Variants in DPCD observed in about 807,000 individuals in gnomAD.
DPCD encodes the protein protein DPCD.
A neutral mutation model predicts 26.4 loss-of-function variants in DPCD; 20 were observed. The ratio of observed to expected loss-of-function variants is 0.76; its 90% CI spans 0.53 to 1.10. The LOEUF is 1.10. Among genes scored for constraint, DPCD ranks in the 50% least tolerant of loss-of-function variants. The pLI is 0.00. For missense variants in DPCD, 202 were observed against 253.9 expected (o/e 0.80, Z 1.39); for synonymous variants, 97 against 94.2 (o/e 1.03, Z -0.17).
At chr10:101,608,159 A>G (rs189664870) in intron 4 of DPCD, among the ~76,000 whole-genome samples, 2 of 152,264 alleles carry the variant, frequency 1.3e-5, no homozygotes, top group East Asian at 3.9e-4. Flanking sequence ...GCAGATGATA[A>G]GGACCATGTG....
At chr10:101,588,430 G>A (rs2134734068) in intron 1 of DPCD, 30 bp downstream of exon 1, 1 of 1,569,376 alleles carries the variant, frequency 6.4e-7, no homozygotes, top group East Asian at 2.3e-5. Context: ...GGGCTCCTTC[G>A]TTTTTTTCCC....
chr10:101,596,741 A>G (rs968427204), intron 2 of DPCD: 8 of 152,218 alleles, frequency 5.3e-5, no homozygotes, highest in Admixed American at 5.2e-4. Context: ...ATTTTTAAGT[A>G]TAAATAATCC....
chr10:101,601,132 G>A, intron 3 of DPCD, 71 bp from the exon 4 acceptor site: 2 of 1,598,482 alleles, frequency 1.3e-6, no homozygotes, highest in Admixed American at 1.7e-5. Flanking sequence ...GTGCCCCGGG[G>A]TAGCGCTCTG....
At chr10:101,595,824 A>T (rs932391672) in intron 2 of DPCD, among the ~76,000 whole-genome samples, 1 of 152,216 alleles carries the variant, frequency 6.6e-6, no homozygotes, top group Non-Finnish European at 1.5e-5. Flanking sequence ...AAACCAATAC[A>T]GTAGTAATAT....
At chr10:101,607,505 G>C (rs2063740989) in intron 4 of DPCD, among the ~76,000 whole-genome samples, 1 of 152,222 alleles carries the variant, frequency 6.6e-6, no homozygotes, top group Non-Finnish European at 1.5e-5. Context: ...CCAGTACCTT[G>C]GTGGGGAGTG....
chr10:101,601,095 C>G, intron 3 of DPCD, 108 bp from the exon 4 acceptor site: 1 of 1,530,422 alleles, frequency 6.5e-7, no homozygotes, highest in Non-Finnish European at 8.9e-7. Flanking sequence ...CAGAGGGGAG[C>G]AGTGGAGAAG....
chr10:101,595,148 G>A (rs1379009223), intron 2 of DPCD, among the ~76,000 whole-genome samples: 2 of 152,188 alleles, frequency 1.3e-5, no homozygotes, highest in Admixed American at 6.5e-5. Flanking sequence ...GAGCAAGCGA[G>A]TATCAGAGGC....
At chr10:101,589,327 A>G (rs1455042760) in intron 1 of DPCD, among the ~76,000 whole-genome samples, 1 of 152,276 alleles carries the variant, frequency 6.6e-6, no homozygotes, top group African/African-American at 2.4e-5. Flanking sequence ...ACATGTACTT[A>G]AATAATAAGA....
At chr10:101,588,617 C>T in intron 1 of DPCD, 1 of 1,381,130 alleles carries the variant, frequency 7.2e-7, no homozygotes, top group Non-Finnish European at 9.3e-7. Context: ...CACCATCTCG[C>T]TCCGCTCTGA....
intron 1 of DPCD, 94 bp from the exon 2 acceptor site, chr10:101,594,564 A>C: frequency 1.5e-6 from 2 of 1,306,112 alleles, no homozygotes; most frequent in Non-Finnish European, 2.2e-6. Flanking sequence ...CAGTACTCCC[A>C]AGGCTGGCAC....
chr10:101,596,694 C>T (rs1175698579), intron 2 of DPCD: 4 of 152,160 alleles, frequency 2.6e-5, no homozygotes, highest in African/African-American at 7.2e-5. Flanking sequence ...TCTTCCTATC[C>T]ACCACTGCTG....
intron 5 of DPCD, among the ~76,000 whole-genome samples, 158 bp from the exon 6 acceptor site, chr10:101,609,208 TC>T (rs1564897883): frequency 1.3e-5 from 2 of 152,146 alleles, no homozygotes; most frequent in African/African-American, 4.8e-5. Context: ...CAAGGTCTGC[TC>T]CTACTCAGGC....
Position 101,600,855 on chromosome 10 carries a change from A to G in DPCD, c.263A>G (p.Asn88Ser). The change falls in exon 3 of 6, where the codon AAT becomes AGT. Residue 88 changes from asparagine to serine, a missense_variant. Physicochemically the swap from Asn to Ser is conservative, Grantham distance 46. Around this residue, in one of 3 missense-constraint regions of DPCD, gnomAD observed 118 missense variants for 145.1 expected, o/e 0.81. Coordinates refer to ENST00000370151, the MANE Select transcript of DPCD (RefSeq NM_015448.3). This position sits in a 1 kb window ranked among gnomAD's most constrained non-coding sequence, Gnocchi z 4.7. ...GGGCCTGAACTCATCAAGGAAAGCA[A>G]TGCCAATGTACGTCCATCTGTCCAG... ...NLGPELIKES[N>S]ANPIFMRKDT... is the part of the protein sequence containing the mutation. 6.2e-7 allele frequency: 1 copy of G among 1,613,860 alleles called. No individual in the cohort carries two copies. The highest frequency in any genetic ancestry group is 8.5e-7 in the Non-Finnish European group (1 of 1,179,904).
At position 101,588,351 on chromosome 10, in the gene DPCD, C is replaced by T; in HGVS notation, c.15C>T (p.Gly5=). The change falls in exon 1 of 6, where the codon GGC becomes GGT. Residue 5 remains glycine, a synonymous_variant. Coordinates refer to ENST00000370151, the MANE Select transcript of DPCD (RefSeq NM_015448.3). ...GCAGGGGAAAGATGGCGGTGACGGGCTGGTTGGAGAGTCTGCGGACAGCCC... is the reference window on the plus strand; with the variant it reads ...GCAGGGGAAAGATGGCGGTGACGGGTTGGTTGGAGAGTCTGCGGACAGCCC... MAVT[G]WLESLRTAQK... 6.3e-7 allele frequency: 1 copy of T among 1,599,258 alleles called. No individual in the cohort carries two copies. Among genetic ancestry groups the T allele is most frequent in the Non-Finnish European group, 8.5e-7 (1 of 1,170,874 alleles).
chr10:101,609,053 G>T (rs2063754157), intron 5 of DPCD, 116 bp downstream of exon 5: 2 of 901,114 alleles, frequency 2.2e-6, no homozygotes, highest in African/African-American at 1.6e-5. Context: ...GGGTATGCTT[G>T]TGGGAGAATA....
intron 2 of DPCD, among the ~76,000 whole-genome samples, chr10:101,595,201 G>T (rs1279982767): frequency 2.6e-5 from 4 of 152,156 alleles, no homozygotes. Flanking sequence ...ATAAAATATG[G>T]TCCTTATTTT....
At chr10:101,602,881 A>T (rs576575014) in intron 4 of DPCD, among the ~76,000 whole-genome samples, 47 of 152,368 alleles carry the variant, frequency 3.1e-4, no homozygotes, top group Non-Finnish European at 6.2e-4. Flanking sequence ...CCAGGGAGTG[A>T]GGAAAGAGGC....
At chr10:101,602,989 A>G (rs560284972) in intron 4 of DPCD, among the ~76,000 whole-genome samples, 2 of 152,376 alleles carry the variant, frequency 1.3e-5, no homozygotes, top group African/African-American at 2.4e-5. Context: ...CAGGAGCTCC[A>G]TGGCTGGAGG....
At chr10:101,606,271 C>G (rs1357116536) in intron 4 of DPCD, among the ~76,000 whole-genome samples, 1 of 152,178 alleles carries the variant, frequency 6.6e-6, no homozygotes, top group East Asian at 1.9e-4. Flanking sequence ...AAGTGACTCT[C>G]CTGCCTCAGC....
Sources: gnomAD v4.1 joint callset for allele counts (sites outside exome capture counted in the v4.1 genomes callset) on GRCh38, gnomAD v4.1.1 for gene constraint, gnomAD v4.1.1 regional missense constraint, Gnocchi (gnomAD v3.1) non-coding constraint, MANE v1.5 for transcripts, NCBI Gene and HGNC (gene_info 2026-07-23, HGNC 2026-07-21) for gene names.